Variants in JAK2 observed in about 807,000 individuals in gnomAD.
JAK2 encodes Janus kinase 2, also known as tyrosine-protein kinase JAK2.
In JAK2, 86 loss-of-function variants were observed where a neutral mutation model predicts 139.3. The ratio of observed to expected loss-of-function variants is 0.62; its 90% confidence interval spans 0.52 to 0.74. The LOEUF is 0.74. Among genes scored for constraint, JAK2 ranks in the 30% least tolerant of loss-of-function variants. The probability of loss-of-function intolerance (pLI) is 0.00; values close to 1 mark genes in which losing one functional copy is unlikely to be tolerated. For synonymous variants in JAK2, 490 were observed against 437.7 expected, an observed-to-expected ratio of 1.12 and a Z score of -1.49; for missense variants, 1,421 against 1,360.3, an observed-to-expected ratio of 1.04 and a Z score of -0.70.
At chr9:5,084,775 T>A (rs923974008) in intron 19 of JAK2, among the ~76,000 whole-genome samples, 14 of 152,176 alleles carry the variant, frequency 9.2e-5, no homozygotes, top group African/African-American at 3.4e-4. Flanking sequence ...TCAAGACACC[T>A]CAATTAGAAT....
At chr9:5,075,010 T>A (rs1383442777) in intron 14 of JAK2, among the ~76,000 whole-genome samples, 1 of 152,178 alleles carries the variant, frequency 6.6e-6, no homozygotes, top group East Asian at 1.9e-4. Flanking sequence ...ACAGAGAAAG[T>A]TCTAGATAGA....
Position 5,127,910 on chromosome 9 carries a change from G to A in JAK2, c.*1119G>A, listed in dbSNP as rs12000101. 1 of 232,102 alleles carries A rather than the reference G, an allele frequency of 4.3e-6. No individual in the cohort carries two copies. Among genetic ancestry groups the A allele is most frequent in the Non-Finnish European group, 8.5e-6 (1 of 117,360 alleles). 14.4% of individuals were successfully genotyped at this position (232,102 alleles called of 1,614,324 possible). Reference sequence around the variant, plus strand: ...GGTAAATAAGTAAAAAAGTATGCTTGTTAATTTTATTCAAGAATGCCAGTA... The same window carrying A: ...GGTAAATAAGTAAAAAAGTATGCTTATTAATTTTATTCAAGAATGCCAGTA... On this transcript the variant is annotated 3_prime_UTR_variant, in exon 25 of 25. Transcript: ENST00000381652.
chr9:5,093,533 A>ATGGCACTTTAATTCATTAATGCAAAT (rs1426012532), intron 22 of JAK2, among the ~76,000 whole-genome samples: 14 of 152,202 alleles, frequency 9.2e-5, no homozygotes, highest in Non-Finnish European at 1.5e-4. Context: ...AGAAGACCCC[A>ATGGCACTTTAATTCATTAATGCAAAT]TGGCACTTTA....
At chr9:5,121,667 T>G (rs1823624514) in intron 22 of JAK2, among the ~76,000 whole-genome samples, 1 of 152,194 alleles carries the variant, frequency 6.6e-6, no homozygotes, top group African/African-American at 2.4e-5. Flanking sequence ...TTAAAAGATT[T>G]ACATACACTT....
chr9:5,048,126 T>C (rs1388640297), intron 5 of JAK2, among the ~76,000 whole-genome samples: 1 of 152,064 alleles, frequency 6.6e-6, no homozygotes, highest in Non-Finnish European at 1.5e-5. Context: ...GAATTTGTTA[T>C]CTACCAGTTC....
chr9:5,061,404 T>C (rs1818160093), intron 8 of JAK2, among the ~76,000 whole-genome samples: 1 of 152,248 alleles, frequency 6.6e-6, no homozygotes, highest in South Asian at 2.1e-4. Context: ...CAATGGTCCT[T>C]ACTAGATCTT....
intron 3 of JAK2, among the ~76,000 whole-genome samples, chr9:5,028,930 T>G (rs1423771826): frequency 6.6e-6 from 1 of 152,260 alleles, no homozygotes; most frequent in African/African-American, 2.4e-5. Flanking sequence ...TCAATAAGGC[T>G]GTTTTGCTCT....
At chr9:5,048,511 A>G (rs1194650521) in intron 5 of JAK2, among the ~76,000 whole-genome samples, 4 of 152,144 alleles carry the variant, frequency 2.6e-5, no homozygotes, top group Admixed American at 2.0e-4. Flanking sequence ...ATCATCTTCT[A>G]CTTAAACAGT....
chr9:4,987,433 C>T (rs1820008767), intron 2 of JAK2, among the ~76,000 whole-genome samples: 1 of 152,078 alleles, frequency 6.6e-6, no homozygotes, highest in African/African-American at 2.4e-5. Flanking sequence ...GTTCTTGCCA[C>T]TTAAGAGTTG....
At position 5,116,089 on chromosome 9, in the gene JAK2, T is replaced by C. The variant is rs551743469; in HGVS notation, c.3060-6915T>C. Among the ~76,000 whole-genome samples the C allele has an allele frequency of 3.3e-5, 5 of 152,304 alleles. No homozygotes were observed. In the South Asian group the frequency reaches 1.0e-3, roughly 32 times the overall value. On this transcript the variant is annotated intron_variant, in intron 22 of 24. Transcript: ENST00000381652. ...TAAAAAAAAAACAGTGAACATTTATTGTAGGCTTACATTGGGCTAAATGCA... is the reference window on the plus strand; with the variant it reads ...TAAAAAAAAAACAGTGAACATTTATCGTAGGCTTACATTGGGCTAAATGCA...
chr9:5,111,257 C>T (rs1822493093), intron 22 of JAK2: 2 of 510,322 alleles, frequency 3.9e-6, no homozygotes, highest in Non-Finnish European at 7.5e-6. Flanking sequence ...GAGACGCAGG[C>T]GTGCGCAGCC....
At chr9:4,991,206 C>G (rs1029181980) in intron 2 of JAK2, among the ~76,000 whole-genome samples, 11 of 152,120 alleles carry the variant, frequency 7.2e-5, no homozygotes, top group Non-Finnish European at 1.3e-4. Flanking sequence ...CAAAGAGAAG[C>G]ATTATTTATT....
chr9:5,030,067 G>T (rs1484692998), intron 4 of JAK2, among the ~76,000 whole-genome samples, 161 bp downstream of exon 4: 1 of 152,200 alleles, frequency 6.6e-6, no homozygotes, highest in Non-Finnish European at 1.5e-5. Context: ...TTCTCCATCA[G>T]AGAAACTGTT....
chr9:5,086,528 T>C (rs1820126192), intron 19 of JAK2, among the ~76,000 whole-genome samples: 1 of 152,184 alleles, frequency 6.6e-6, no homozygotes, highest in South Asian at 2.1e-4. Flanking sequence ...CTTGAATACT[T>C]TTAGTACTCA....
chr9:5,093,846 T>G (rs1820773404), intron 22 of JAK2, among the ~76,000 whole-genome samples: 1 of 152,162 alleles, frequency 6.6e-6, no homozygotes, highest in Non-Finnish European at 1.5e-5. Context: ...ATTCAATGAT[T>G]AAAGTCCTAT....
Position 5,123,636 on chromosome 9 carries a change from C to A in JAK2, c.3177+515C>A, listed in dbSNP as rs185327519. ...TACAGGTGGAGGTATCTTTTTGATA[C>A]AGTGATTTCTTGTCCTTTAGGTAGA... On this transcript the variant is annotated intron_variant, in intron 23 of 24. Transcript: ENST00000381652. Among the ~76,000 whole-genome samples the A allele has an allele frequency of 6.6e-5, 10 of 151,898 alleles. No individual in the cohort carries two copies. In the East Asian group the frequency reaches 1.9e-3, roughly 29 times the overall value.
chr9:5,048,351 C>T (rs1817174497), intron 5 of JAK2, among the ~76,000 whole-genome samples: 2 of 152,084 alleles, frequency 1.3e-5, no homozygotes, highest in Non-Finnish European at 2.9e-5. Context: ...CTATGTTGGC[C>T]AGGCTGGTCT....
chr9:5,023,339 A>G (rs779051561), intron 3 of JAK2, among the ~76,000 whole-genome samples: 1 of 152,146 alleles, frequency 6.6e-6, no homozygotes, highest in African/African-American at 2.4e-5. Flanking sequence ...ACATGATTAC[A>G]TTCTTTTTTA....
At chr9:5,061,691 A>C (rs976817928) in intron 8 of JAK2, among the ~76,000 whole-genome samples, 1 of 152,212 alleles carries the variant, frequency 6.6e-6, no homozygotes, top group Non-Finnish European at 1.5e-5. Context: ...CTTTCTTATA[A>C]TTTATGTGCT....
Sources: gnomAD v4.1 joint callset for allele counts (sites outside exome capture counted in the v4.1 genomes callset) on GRCh38, gnomAD v4.1.1 for gene constraint, MANE v1.5 for transcripts, NCBI Gene and HGNC (gene_info 2026-07-23, HGNC 2026-07-21) for gene names.